Variants in ZFPM1 observed in about 807,000 individuals in gnomAD.
The protein encoded by ZFPM1 is zinc finger protein ZFPM1.
ZFPM1 carries 28 observed loss-of-function variants against 46.3 expected under a neutral mutation model. The ratio of observed to expected loss-of-function variants is 0.60; its 90% confidence interval spans 0.45 to 0.83. The LOEUF is 0.83. ZFPM1 is among the 40% of genes least tolerant of loss of function. The probability of loss-of-function intolerance (pLI) is 0.00; values close to 1 mark genes in which losing one functional copy is unlikely to be tolerated. For missense variants in ZFPM1, 1,878 were observed against 1,432.4 expected (o/e 1.31, Z -5.02); for synonymous variants, 957 against 675.9 (o/e 1.42, Z -6.45).
At chr16:88,505,356 C>T (rs1001792641) in intron 3 of ZFPM1, among the ~76,000 whole-genome samples, 2 of 152,196 alleles carry the variant, frequency 1.3e-5, no homozygotes, top group Non-Finnish European at 2.9e-5. Context: ...TTCTCCCAGG[C>T]GGTGGTGCCC....
chr16:88,514,185 G>A (rs963827714), intron 3 of ZFPM1, among the ~76,000 whole-genome samples: 8 of 152,262 alleles, frequency 5.3e-5, no homozygotes, highest in South Asian at 2.1e-4. Context: ...TCCTGGCTGC[G>A]TCCCTACACC....
chr16:88,500,161 G>A (rs1239149166), intron 3 of ZFPM1, among the ~76,000 whole-genome samples: 4 of 79,534 alleles, frequency 5.0e-5, no homozygotes, highest in East Asian at 3.3e-4. Context: ...CCCAGGCCCC[G>A]CCGTTGCCCT....
In ZFPM1 at chr16:88,469,318, C is replaced by G. The variant is rs1235699941; in HGVS notation, c.40+15640C>G. Reference sequence around the variant, plus strand: ...ACCCCTTTGCCCACCCTCAGCCTCCCCATCTGTAAAACCGGAAGGCGGTCT... The same window carrying G: ...ACCCCTTTGCCCACCCTCAGCCTCCGCATCTGTAAAACCGGAAGGCGGTCT... On this transcript the variant is annotated intron_variant, in intron 1 of 9. Transcript: ENST00000319555. This position sits in a 1 kb window ranked among gnomAD's most constrained non-coding sequence, Gnocchi z 4.3. 6.6e-6 allele frequency among the ~76,000 whole-genome samples: 1 copy of G among 152,234 alleles called. No homozygotes were observed. The highest frequency in any genetic ancestry group is 1.5e-5 in the Non-Finnish European group (1 of 68,042).
rs1913192957 is a variant in ZFPM1 at position 88,535,166 on chromosome 16, A to G, written c.*187A>G. 6.1e-6 allele frequency: 4 copies of G among 653,252 alleles called. No homozygotes were observed. In the East Asian group the frequency reaches 1.1e-4, roughly 18 times the overall value. The allele number at this position is 653,252 out of a possible 1,614,324, so 40.5% of individuals were successfully genotyped here. On this transcript the variant is annotated 3_prime_UTR_variant, in exon 10 of 10. Coordinates refer to ENST00000319555, the MANE Select transcript of ZFPM1 (RefSeq NM_153813.3). ...AATAAAGAAGTTCAGTTTGATGAGC[A>G]TGGTGGTGGGCCAGCCTAGTTCTCT...
At chr16:88,502,835 G>A (rs538308561) in intron 3 of ZFPM1, among the ~76,000 whole-genome samples, 1 of 152,370 alleles carries the variant, frequency 6.6e-6, no homozygotes, top group Non-Finnish European at 1.5e-5. Flanking sequence ...TCCAGAGAAG[G>A]ATGTTCTAAG....
chr16:88,490,420 C>T (rs993586198), intron 3 of ZFPM1, among the ~76,000 whole-genome samples: 19 of 152,222 alleles, frequency 1.2e-4, no homozygotes, highest in African/African-American at 4.3e-4. Flanking sequence ...ATGCAGAGCG[C>T]GCAAGCGGCC....
intron 5 of ZFPM1, among the ~76,000 whole-genome samples, chr16:88,527,723 G>A (rs1912458762): frequency 6.6e-6 from 1 of 151,852 alleles, no homozygotes; most frequent in Admixed American, 6.6e-5. Flanking sequence ...CCGTCCCTGA[G>A]TGGCCACCCA....
intron 4 of ZFPM1, chr16:88,516,256 G>A (rs925820953): frequency 3.3e-5 from 13 of 398,392 alleles, no homozygotes; most frequent in Middle Eastern, 1.2e-3. Context: ...GGCTGGCACC[G>A]GCCCAGGAGT....
intron 1 of ZFPM1, among the ~76,000 whole-genome samples, chr16:88,465,657 G>C (rs1481838413): frequency 2.6e-5 from 4 of 152,210 alleles, no homozygotes; most frequent in South Asian, 2.1e-4. Flanking sequence ...AGGGGGAGGG[G>C]CTTGCCTGCA....
chr16:88,458,388 G>A (rs1374157491), intron 1 of ZFPM1, among the ~76,000 whole-genome samples: 1 of 152,232 alleles, frequency 6.6e-6, no homozygotes, highest in African/African-American at 2.4e-5. Flanking sequence ...TTGGGCCTGG[G>A]ACTGCCGTCA....
Position 88,480,929 on chromosome 16 carries a change from T to C in ZFPM1, c.41-5010T>C, listed in dbSNP as rs889902664. The stretch of plus-strand genomic sequence containing the variant: ...CGGGAGGGGCCACCTTAATCGTCGG[T>C]GTGGGGACTTGGAAGGGAGCTGGGA... On this transcript the variant is annotated intron_variant, in intron 1 of 9. Coordinates refer to ENST00000319555, the MANE Select transcript of ZFPM1 (RefSeq NM_153813.3). The surrounding 1 kb of genome is among the most constrained non-coding windows in gnomAD (Gnocchi z 4.9). Among the ~76,000 whole-genome samples, 9 of 152,222 alleles carry C rather than the reference T, an allele frequency of 5.9e-5. No individual in the cohort carries two copies. Among genetic ancestry groups the C allele is most frequent in the African/African-American group, 2.2e-4 (9 of 41,452 alleles).
At position 88,534,156 on chromosome 16, in the gene ZFPM1, C is replaced by G; in HGVS notation, c.2198C>G (p.Ser733Cys). The G allele has an allele frequency of 1.0e-6, 1 of 1,001,926 alleles. No homozygotes were observed. Among genetic ancestry groups the G allele is most frequent in the Non-Finnish European group, 1.2e-6 (1 of 844,068 alleles). The allele number at this position is 1,001,926 out of a possible 1,614,324, so 62.1% of individuals were successfully genotyped here. A position where few individuals can be genotyped will look rare whatever the true frequency, so the allele number is the denominator to read the frequency against. Reference protein sequence around the residue: ...PPGPAAPPAPSPAAPVRTRRR... With the variant: ...PPGPAAPPAPCPAAPVRTRRR... ...GGGCCGGCCGCGCCCCCGGCCCCCT[C>G]TCCCGCCGCGCCTGTGCGCACGCGC... Residue 733 changes from serine to cysteine, a missense_variant, in exon 10 of 10, where the codon TCT becomes TGT. Transcript: ENST00000319555.
intron 1 of ZFPM1, among the ~76,000 whole-genome samples, chr16:88,459,791 C>T (rs1029591786): frequency 8.7e-6 from 1 of 114,642 alleles, no homozygotes; most frequent in African/African-American, 3.6e-5. Context: ...CTCCTCCTCC[C>T]CCTCTTCCTC....
At chr16:88,465,336 C>T (rs1410819775) in intron 1 of ZFPM1, among the ~76,000 whole-genome samples, 2 of 152,262 alleles carry the variant, frequency 1.3e-5, no homozygotes, top group African/African-American at 4.8e-5. Flanking sequence ...TGCGGGGAAG[C>T]CCTCTGTCGG....
chr16:88,459,021 AG>A (rs1229544199), intron 1 of ZFPM1, among the ~76,000 whole-genome samples: 1 of 152,218 alleles, frequency 6.6e-6, no homozygotes, highest in Admixed American at 6.5e-5. Context: ...CTTATGGACC[AG>A]GGGAGAGCCG....
chr16:88,457,915 C>T (rs954787086), intron 1 of ZFPM1, among the ~76,000 whole-genome samples: 2 of 152,280 alleles, frequency 1.3e-5, no homozygotes, highest in East Asian at 1.9e-4. Context: ...AGCTCTGGGC[C>T]GATTGTGGTT....
intron 1 of ZFPM1, among the ~76,000 whole-genome samples, chr16:88,481,750 C>G (rs1372755716): frequency 2.0e-5 from 3 of 152,142 alleles, no homozygotes; most frequent in Admixed American, 1.3e-4. Context: ...CCCAGGTTCC[C>G]CATCTGAAAT....
intron 1 of ZFPM1, among the ~76,000 whole-genome samples, chr16:88,470,895 C>T (rs904658937): frequency 1.3e-5 from 2 of 152,032 alleles, no homozygotes; most frequent in African/African-American, 2.4e-5. Context: ...AACACATCCT[C>T]GCCGAGCGCA....
chr16:88,487,399 C>T (rs993938069), intron 2 of ZFPM1, among the ~76,000 whole-genome samples: 7 of 152,194 alleles, frequency 4.6e-5, no homozygotes, highest in South Asian at 2.1e-4. Flanking sequence ...TGGCCATACC[C>T]GGACCATTTG....
Sources: gnomAD v4.1 joint callset for allele counts (sites outside exome capture counted in the v4.1 genomes callset) on GRCh38, gnomAD v4.1.1 for gene constraint, Gnocchi (gnomAD v3.1) non-coding constraint, MANE v1.5 for transcripts, NCBI Gene and HGNC (gene_info 2026-07-23, HGNC 2026-07-21) for gene names.